Variants in MDGA2 observed in about 807,000 individuals in gnomAD.
MDGA2 encodes MAM domain-containing glycosylphosphatidylinositol anchor protein 2.
A neutral mutation model predicts 117.8 loss-of-function variants in MDGA2; 40 were observed. The ratio of observed to expected loss-of-function variants is 0.34; its 90% CI spans 0.26 to 0.44. MDGA2 has a LOEUF of 0.44. MDGA2 is among the 20% of genes least tolerant of loss of function. The pLI is 1.00. For synonymous variants in MDGA2, 452 were observed against 439.0 expected (o/e 1.03, Z -0.37); for missense variants, 1,123 against 1,250.6 (o/e 0.90, Z 1.54).
intron 1 of MDGA2, among the ~76,000 whole-genome samples, chr14:47,328,693 T>C (rs1395837368): frequency 6.6e-6 from 1 of 152,144 alleles, no homozygotes; most frequent in Non-Finnish European, 1.5e-5. Context: ...AGGTATCTAA[T>C]GTGAGAGGTA....
chr14:47,667,615 T>C (rs1897998838), intron 1 of MDGA2, among the ~76,000 whole-genome samples: 1 of 152,218 alleles, frequency 6.6e-6, no homozygotes, highest in South Asian at 2.1e-4. Flanking sequence ...TGTTTTGCCA[T>C]TATTTAAAGG....
chr14:47,347,478 A>T (rs1157009342), intron 1 of MDGA2, among the ~76,000 whole-genome samples: 1 of 152,302 alleles, frequency 6.6e-6, no homozygotes, highest in East Asian at 1.9e-4. Flanking sequence ...GAATGGAAAG[A>T]ATTGGTAACT....
chr14:47,280,169 C>G (rs2139732234), intron 2 of MDGA2, among the ~76,000 whole-genome samples: 1 of 151,750 alleles, frequency 6.6e-6, no homozygotes, highest in Non-Finnish European at 1.5e-5. Flanking sequence ...ACAAAATTAT[C>G]TGGGCGTGGT....
intron 1 of MDGA2, among the ~76,000 whole-genome samples, chr14:47,521,074 C>A (rs561900904): frequency 6.6e-5 from 10 of 152,122 alleles, no homozygotes; most frequent in African/African-American, 2.4e-4. Context: ...AAATAACTTC[C>A]ACTTTGAAGG....
chr14:47,134,155 C>T (rs2139163142), intron 4 of MDGA2, among the ~76,000 whole-genome samples: 2 of 152,066 alleles, frequency 1.3e-5, no homozygotes, highest in Middle Eastern at 3.4e-3. Context: ...CATCTCCTTG[C>T]CAGACTTCTC....
chr14:47,311,918 C>A (rs1332254253), intron 1 of MDGA2, among the ~76,000 whole-genome samples: 1 of 151,788 alleles, frequency 6.6e-6, no homozygotes, highest in African/African-American at 2.4e-5. Flanking sequence ...TCCTTTGTGT[C>A]TTTGGGGATT....
intron 6 of MDGA2, 80 bp downstream of exon 6, chr14:47,096,774 T>C: frequency 7.3e-7 from 1 of 1,363,086 alleles, no homozygotes; most frequent in Non-Finnish European, 1.0e-6. Context: ...TTTGAGGAGG[T>C]AATTTTATAT....
intron 2 of MDGA2, among the ~76,000 whole-genome samples, chr14:47,219,603 A>G (rs546485099): frequency 3.5e-4 from 54 of 152,132 alleles, no homozygotes; most frequent in African/African-American, 1.3e-3. Flanking sequence ...TACCTTACTA[A>G]CATATTTGCA....
chr14:47,316,271 A>G (rs919662182), intron 1 of MDGA2, among the ~76,000 whole-genome samples: 2 of 152,126 alleles, frequency 1.3e-5, no homozygotes, highest in Non-Finnish European at 1.5e-5. Flanking sequence ...GTGAAAAGTA[A>G]TATTATTGCT....
Position 47,255,031 on chromosome 14 carries a change from A to C in MDGA2, c.421-36836T>G, listed in dbSNP as rs1398771597. 2.0e-5 allele frequency among the ~76,000 whole-genome samples: 3 copies of C among 152,176 alleles called. No individual in the cohort carries two copies. In the East Asian group the frequency reaches 5.8e-4, roughly 29 times the overall value. On this transcript the variant is annotated intron_variant, in intron 2 of 16. Transcript: ENST00000399232. ...CTCCCCCATGATTCAATTACCTCCC[A>C]TCGGGTTCCCTCCCACCACATGTGG...
chr14:47,615,967 G>C (rs534784057), intron 1 of MDGA2, among the ~76,000 whole-genome samples: 11 of 152,198 alleles, frequency 7.2e-5, no homozygotes, highest in Non-Finnish European at 1.5e-4. Flanking sequence ...ATACTAAAGG[G>C]GGAGGCCTTG....
intron 12 of MDGA2, 132 bp downstream of exon 12, chr14:46,877,357 T>C (rs1204539834): frequency 6.2e-6 from 3 of 487,258 alleles, no homozygotes; most frequent in Non-Finnish European, 1.1e-5. Flanking sequence ...TTAATGCCAA[T>C]TTTACTGATT....
intron 10 of MDGA2, among the ~76,000 whole-genome samples, chr14:46,892,857 A>G (rs76953130): frequency 6.6e-6 from 1 of 152,128 alleles, no homozygotes; most frequent in East Asian, 1.9e-4. Flanking sequence ...ATGAGATAAC[A>G]AGTGTTGGCA....
chr14:47,470,147 G>T (rs1185465854), intron 1 of MDGA2, among the ~76,000 whole-genome samples: 2 of 151,120 alleles, frequency 1.3e-5, no homozygotes, highest in Admixed American at 1.3e-4. Flanking sequence ...TTCAATTCTG[G>T]GTTACAAGTG....
chr14:47,404,453 T>C (rs1340606194), intron 1 of MDGA2, among the ~76,000 whole-genome samples: 6 of 151,732 alleles, frequency 4.0e-5, no homozygotes, highest in Non-Finnish European at 8.8e-5. Context: ...CCCAAAGTGC[T>C]GGGGTTATAG....
intron 8 of MDGA2, among the ~76,000 whole-genome samples, chr14:46,959,386 T>C (rs1885701970): frequency 6.6e-6 from 1 of 151,828 alleles, no homozygotes; most frequent in African/African-American, 2.4e-5. Context: ...GTGATATTTT[T>C]CCATCCTTTT....
intron 1 of MDGA2, among the ~76,000 whole-genome samples, chr14:47,383,874 T>C (rs940991173): frequency 2.0e-5 from 3 of 152,114 alleles, no homozygotes; most frequent in African/African-American, 7.2e-5. Flanking sequence ...TGAATATATG[T>C]TATGACGATT....
intron 1 of MDGA2, among the ~76,000 whole-genome samples, chr14:47,369,737 C>G (rs751992472): frequency 6.7e-4 from 102 of 152,060 alleles, no homozygotes; most frequent in Non-Finnish European, 1.3e-3. Context: ...AGTTTAATAA[C>G]TTTTTTAGAT....
intron 3 of MDGA2, among the ~76,000 whole-genome samples, chr14:47,163,645 C>G (rs1426852763): frequency 6.6e-6 from 1 of 152,166 alleles, no homozygotes; most frequent in Non-Finnish European, 1.5e-5. Flanking sequence ...TGCCCTGTCT[C>G]TGGTATATCT....
Sources: gnomAD v4.1 joint callset for allele counts (sites outside exome capture counted in the v4.1 genomes callset) on GRCh38, gnomAD v4.1.1 for gene constraint, MANE v1.5 for transcripts, NCBI Gene and HGNC (gene_info 2026-07-23, HGNC 2026-07-21) for gene names.